The following SBF1 variants were observed in gnomAD, a reference collection of about 807,000 sequenced individuals.
The protein encoded by SBF1 is SET binding factor 1, also known as myotubularin-related protein 5.
A neutral mutation model predicts 215.8 loss-of-function variants in SBF1; 65 were observed. The observed-to-expected ratio is 0.30, with a 90% confidence interval of 0.25 to 0.37. The LOEUF is 0.37. SBF1 is among the 10% of genes least tolerant of loss of function. The pLI, the probability that SBF1 is intolerant of heterozygous loss-of-function variation, is 1.00. For missense variants in SBF1, 2,634 were observed against 2,667.8 expected, an observed-to-expected ratio of 0.99 and a Z score of 0.28; for synonymous variants, 1,410 against 1,122.8, an observed-to-expected ratio of 1.26 and a Z score of -5.11.
chr22:50,459,842 C>A, intron 26 of SBF1, 110 bp downstream of exon 26: 1 of 1,423,514 alleles, frequency 7.0e-7, no homozygotes, highest in Non-Finnish European at 9.7e-7. Flanking sequence ...CCCGGAGTCT[C>A]CCCCTCCACA....
intron 1 of SBF1, among the ~76,000 whole-genome samples, chr22:50,469,666 G>A (rs1242452070): frequency 1.3e-5 from 2 of 152,184 alleles, no homozygotes; most frequent in African/African-American, 4.8e-5. Context: ...CCTCTACACC[G>A]CCACCCACCT....
chr22:50,458,721 G>A (rs1219652864), intron 28 of SBF1, among the ~76,000 whole-genome samples: 1 of 152,228 alleles, frequency 6.6e-6, no homozygotes, highest in Non-Finnish European at 1.5e-5. Context: ...GTGCGTGGCG[G>A]TGGGGACAGA....
rs767336585 is a variant in SBF1 at position 50,465,807 on chromosome 22, C to A, written c.1045G>T (p.Ala349Ser). Reference protein sequence around the residue: ...LDPELELADLAFPPPTTSTSS... With the variant: ...LDPELELADLSFPPPTTSTSS... ...GTGGATGTCGTGGGCGGAGGGAAGGCGAGGTCAGCCAACTCCAGCTCCGGG... is the reference window on the plus strand; with the variant it reads ...GTGGATGTCGTGGGCGGAGGGAAGGAGAGGTCAGCCAACTCCAGCTCCGGG... The change falls in exon 10 of 41, where the codon GCC becomes TCC. Residue 349 changes from alanine to serine, a missense_variant. Transcript: ENST00000380817. 2 of 1,611,708 alleles carry A rather than the reference C, an allele frequency of 1.2e-6. No individual in the cohort carries two copies. The highest frequency in any genetic ancestry group is 3.3e-5 in the Admixed American group (2 of 59,764).
chr22:50,474,947 G>C lies in SBF1; in HGVS notation c.-107C>G, dbSNP rs1250761219. ...CCCCGGCCCTGGACCGCGCACCCCG[G>C]ACACCCCTGGTTCGCTCCGCGGCGG... On this transcript the variant is annotated 5_prime_UTR_variant, in exon 1 of 41. Coordinates refer to ENST00000380817, the MANE Select transcript of SBF1 (RefSeq NM_002972.4). 3 of 764,382 alleles carry C rather than the reference G, an allele frequency of 3.9e-6. No homozygotes were observed. The highest frequency in any genetic ancestry group is 5.2e-6 in the Non-Finnish European group (3 of 575,372). 47.3% of individuals were successfully genotyped at this position (764,382 alleles called of 1,614,324 possible).
chr22:50,449,713 C>T (rs1200600527), intron 36 of SBF1, among the ~76,000 whole-genome samples: 3 of 151,652 alleles, frequency 2.0e-5, no homozygotes, highest in Non-Finnish European at 2.9e-5. Context: ...CCAAAACCTG[C>T]CAGAAGAAAA....
Position 50,448,420 on chromosome 22 carries a change from A to T in SBF1, c.5176T>A (p.Ser1726Thr). The change falls in exon 38 of 41, where the codon TCC becomes ACC. Residue 1726 changes from serine (S) to threonine (T), a missense_variant. Ser to Thr is a moderately conservative substitution (Grantham distance 58). Coordinates refer to ENST00000380817, the MANE Select transcript of SBF1 (RefSeq NM_002972.4). Reference sequence around the variant, plus strand: ...GAGCGACGGTGGTGGGGTGCGGTGGACACAAGGAGGGAGCTAGGGGTGCCC... The same window carrying T: ...GAGCGACGGTGGTGGGGTGCGGTGGTCACAAGGAGGGAGCTAGGGGTGCCC... ...GRGTPSSLLVSTAPHHRRSLG... is the reference protein window; with the variant it reads ...GRGTPSSLLVTTAPHHRRSLG... 6.2e-7 allele frequency: 1 copy of T among 1,613,832 alleles called. No homozygotes were observed. Among genetic ancestry groups the T allele is most frequent in the Non-Finnish European group, 8.5e-7 (1 of 1,179,988 alleles).
At position 50,463,309 on chromosome 22, in the gene SBF1, C is replaced by T. The variant is rs146850293; in HGVS notation, c.1873G>A (p.Val625Ile). ...VLDHQQFDFV[V>I]RMMNCCLQDC... The stretch of plus-strand genomic sequence containing the variant: ...TGCAGGCAGCAGTTCATCATACGGA[C>T]GACAAAGTCAAACTGCTGGTGGTCC... Residue 625 changes from valine to isoleucine, a missense_variant, in exon 16 of 41, where the codon GTC becomes ATC. Physicochemically the swap from Val to Ile is conservative, Grantham distance 29. Transcript: ENST00000380817. The T allele has an allele frequency of 3.3e-5, 53 of 1,613,510 alleles. No individual in the cohort carries two copies. Among genetic ancestry groups the T allele is most frequent in the Admixed American group, 8.3e-5 (5 of 59,986 alleles).
rs771949212 is a variant in SBF1 at position 50,462,133 on chromosome 22, GA to G, written c.2397-15del. 6.2e-7 allele frequency: 1 copy of G among 1,611,812 alleles called. No homozygotes were observed. The highest frequency in any genetic ancestry group is 1.1e-5 in the South Asian group (1 of 91,090). On this transcript the variant is annotated splice_polypyrimidine_tract_variant and intron_variant, in intron 19 of 40. Transcript: ENST00000380817. ...CTGCCAGCCATGCTGGGCCAGAGAA[GA>G]AACTGTGGGCATGGGCCCTGCCCAC...
Position 50,454,925 on chromosome 22 carries a change from C to G in SBF1, c.4701G>C (p.Lys1567Asn). Residue 1567 changes from lysine to asparagine, a missense_variant, in exon 35 of 41, where the codon AAG becomes AAC. Transcript: ENST00000380817. ...RIELGLLYEE[K>N]GERRGQVPCR... is the part of the protein sequence containing the mutation. Reference sequence around the variant, plus strand: ...ACGGCACCTGGCCCCTGCGTTCCCCCTTCTCCTCATACAGCAGCCCTGCAC... The same window carrying G: ...ACGGCACCTGGCCCCTGCGTTCCCCGTTCTCCTCATACAGCAGCCCTGCAC... The G allele has an allele frequency of 1.2e-6, 2 of 1,614,092 alleles. No individual in the cohort carries two copies. Among genetic ancestry groups the G allele is most frequent in the South Asian group, 2.2e-5 (2 of 91,088 alleles).
At position 50,456,477 on chromosome 22, in the gene SBF1, C is replaced by A; in HGVS notation, c.4086+15G>T. 6.6e-7 allele frequency: 1 copy of A among 1,520,330 alleles called. No individual in the cohort carries two copies. The highest frequency in any genetic ancestry group is 8.8e-7 in the Non-Finnish European group (1 of 1,130,996). 94.2% of individuals were successfully genotyped at this position (1,520,330 alleles called of 1,614,324 possible). A position where few individuals can be genotyped will look rare whatever the true frequency, so the allele number is the denominator to read the frequency against. ...AGCCCCCACCCTCACCCCCCACCCC[C>A]CGCACCCCAGTCACCTTGAGCTGGG... On this transcript the variant is annotated intron_variant, in intron 30 of 40. Transcript: ENST00000380817.
In SBF1 at chr22:50,447,546, G is replaced by A. The variant is rs368282563; in HGVS notation, c.5427C>T (p.Phe1809=). 5.0e-4 allele frequency: 801 copies of A among 1,612,002 alleles called. No individual in the cohort carries two copies. Among genetic ancestry groups the A allele is most frequent in the East Asian group, 1.6e-3 (73 of 44,786 alleles). ...CCTGGTGCTTGGTCTTGTCCAGCAC[G>A]AACCAGCGGGCCTTCCAAGGCTTCA... The part of the protein sequence containing the change: ...AFMKPWKARW[F]VLDKTKHQLR... Residue 1809 remains phenylalanine, a synonymous_variant, in exon 39 of 41, where the codon TTC becomes TTT. Transcript: ENST00000380817.
chr22:50,462,757 G>A (rs1257714683), intron 17 of SBF1, 40 bp from the exon 18 acceptor site: 1 of 1,609,414 alleles, frequency 6.2e-7, no homozygotes, highest in African/African-American at 1.3e-5. Flanking sequence ...GATGCAGCCA[G>A]GAAGGGCGGC....
chr22:50,459,800 G>A, intron 26 of SBF1, 134 bp from the exon 27 acceptor site: 2 of 1,313,028 alleles, frequency 1.5e-6, no homozygotes, highest in Non-Finnish European at 2.1e-6. Context: ...GGGCCCCCCA[G>A]CCACCCCCCA....
rs2148604554 is a variant in SBF1 at position 50,467,377 on chromosome 22, G to A, written c.510C>T (p.Asn170=). The A allele has an allele frequency of 3.1e-6, 5 of 1,614,156 alleles. No individual in the cohort carries two copies. Among genetic ancestry groups the A allele is most frequent in the Non-Finnish European group, 4.2e-6 (5 of 1,180,020 alleles). Reference sequence around the variant, plus strand: ...CCAGGGGCACAGTGCACGTCAGCAGGTTCCCAATCACGTTCTCCAGGCACA... The same window carrying A: ...CCAGGGGCACAGTGCACGTCAGCAGATTCCCAATCACGTTCTCCAGGCACA... ...LNVCLENVIG[N]LLTCTVPLAG... Residue 170 remains asparagine (N), a synonymous_variant, in exon 5 of 41, where the codon AAC becomes AAT. Transcript: ENST00000380817.
chr22:50,450,530 AAAAC>A (rs2067007009), intron 36 of SBF1, among the ~76,000 whole-genome samples: 1 of 151,598 alleles, frequency 6.6e-6, no homozygotes, highest in Non-Finnish European at 1.5e-5. Flanking sequence ...CAAAAAAAAA[AAAAC>A]AAAACTATGA....
Position 50,454,945 on chromosome 22 carries a change from C to CT in SBF1, c.4682-2dup. 1.9e-6 allele frequency: 3 copies of CT among 1,614,002 alleles called. No individual in the cohort carries two copies. Among genetic ancestry groups the CT allele is most frequent in the Non-Finnish European group, 2.5e-6 (3 of 1,180,014 alleles). On this transcript the variant is annotated splice_acceptor_variant, in intron 34 of 40. Transcript: ENST00000380817. LOFTEE classifies it high-confidence loss of function. ...TCCCCCTTCTCCTCATACAGCAGCC[C>CT]TGCACAGAAGCAGCACTGAGCCTGG...
At chr22:50,457,314 AGCACTCCGTG>A in intron 28 of SBF1, 1 of 457,396 alleles carries the variant, frequency 2.2e-6, no homozygotes, top group Non-Finnish European at 3.8e-6. Flanking sequence ...CAGGCCGCAG[AGCACTCCGTG>A]GCAGCAGAAG....
chr22:50,464,392 C>T lies in SBF1; in HGVS notation c.1686G>A (p.Arg562=). Residue 562 remains arginine (R), a synonymous_variant, in exon 15 of 41, where the codon CGG becomes CGA. Transcript: ENST00000380817. ...CSGLHVNSAR[R]LEVVRNCISY... is the part of the protein sequence containing the mutation. ...AGATGCAGTTGCGCACAACCTCCAG[C>T]CGCCGGGCGCTGTTGACATGCAGCC... The T allele has an allele frequency of 6.2e-7, 1 of 1,614,120 alleles. No homozygotes were observed. Among genetic ancestry groups the T allele is most frequent in the Non-Finnish European group, 8.5e-7 (1 of 1,180,026 alleles).
At chr22:50,456,075 G>C in intron 31 of SBF1, 141 bp downstream of exon 31, 1 of 907,338 alleles carries the variant, frequency 1.1e-6, no homozygotes, top group Non-Finnish European at 1.6e-6. Flanking sequence ...AGGCACCAGA[G>C]CCTGGGTGGG....
Sources: gnomAD v4.1 joint callset for allele counts (sites outside exome capture counted in the v4.1 genomes callset) on GRCh38, gnomAD v4.1.1 for gene constraint, MANE v1.5 for transcripts, NCBI Gene and HGNC (gene_info 2026-07-23, HGNC 2026-07-21) for gene names.